TAF1B: variants seen among roughly 807,000 people sequenced by gnomAD.
TAF1B encodes TATA-box binding protein associated factor, RNA polymerase I subunit B.
A neutral mutation model predicts 83.9 loss-of-function variants in TAF1B; 61 were observed. That is an observed-to-expected ratio of 0.73 (90% confidence interval 0.59 to 0.90). The LOEUF (loss-of-function observed/expected upper bound fraction) is 0.90, where lower values mean the gene tolerates loss of function less well. Ranked by LOEUF, TAF1B falls within the 40% of genes least tolerant of loss-of-function variation. The probability of loss-of-function intolerance (pLI) is 0.00; values close to 1 mark genes in which losing one functional copy is unlikely to be tolerated. For missense variants in TAF1B, 625 were observed against 677.0 expected, an observed-to-expected ratio of 0.92 and a Z score of 0.85; for synonymous variants, 221 against 224.6, an observed-to-expected ratio of 0.98 and a Z score of 0.14.
chr2:9,895,302 C>T (rs1162264978), intron 8 of TAF1B, among the ~76,000 whole-genome samples: 1 of 152,130 alleles, frequency 6.6e-6, no homozygotes, highest in Non-Finnish European at 1.5e-5. Flanking sequence ...GAGTTTGAGA[C>T]CAGCCTGGGC....
chr2:9,900,410 C>T (rs1665147740), intron 8 of TAF1B, among the ~76,000 whole-genome samples: 2 of 152,084 alleles, frequency 1.3e-5, no homozygotes, highest in Admixed American at 1.3e-4. Flanking sequence ...TGGTGCATGC[C>T]TATAGTCTCA....
At chr2:9,894,429 A>T (rs1204707544) in intron 8 of TAF1B, among the ~76,000 whole-genome samples, 9 of 152,194 alleles carry the variant, frequency 5.9e-5, no homozygotes, top group Admixed American at 6.5e-5. Context: ...TATATAAAGG[A>T]TATAACTTCT....
intron 4 of TAF1B, among the ~76,000 whole-genome samples, chr2:9,853,176 C>G (rs558293617): frequency 6.6e-6 from 1 of 152,314 alleles, no homozygotes; most frequent in South Asian, 2.1e-4. Context: ...TTTATGCTCA[C>G]CTCATTAGGG....
rs1181612668 is a variant in TAF1B, at chr2:9,875,897, G to GT, written c.588dup (p.Glu197Ter). The GT allele has an allele frequency of 6.2e-7, 1 of 1,611,840 alleles. No individual in the cohort carries two copies. The highest frequency in any genetic ancestry group is 8.5e-7 in the Non-Finnish European group (1 of 1,178,312). On this transcript the variant is annotated frameshift_variant, in exon 7 of 15. Transcript: ENST00000263663. LOFTEE classifies it high-confidence loss of function. ...TGTCTGCTCTGGATCTCTGGATGGA[G>GT]TTGAATACTCACAACGAAAGGAGAA...
chr2:9,869,799 G>C (rs1375073513), intron 6 of TAF1B, among the ~76,000 whole-genome samples: 11 of 151,926 alleles, frequency 7.2e-5, no homozygotes, highest in Admixed American at 1.3e-4. Flanking sequence ...CTTGAACCGG[G>C]AGGCAGAGGT....
At chr2:9,858,178 A>G (rs1275211941) in intron 5 of TAF1B, among the ~76,000 whole-genome samples, 1 of 152,248 alleles carries the variant, frequency 6.6e-6, no homozygotes, top group Non-Finnish European at 1.5e-5. Context: ...GCATTGGGTA[A>G]ATGTTCCCAA....
chr2:9,913,189 ACC>A lies in TAF1B; in HGVS notation c.1212_1213del (p.Tyr404Ter). The A allele has an allele frequency of 1.2e-6, 2 of 1,611,350 alleles. No individual in the cohort carries two copies. The highest frequency in any genetic ancestry group is 1.7e-6 in the Non-Finnish European group (2 of 1,179,250). ...CCATGGTTTGATTTCAGAAAGTGGT[ACC>A]AAATTATGAAGAAAGCTTTTGATGA... is the stretch of plus-strand genomic sequence containing the variant. On this transcript the variant is annotated stop_gained and frameshift_variant, in exon 12 of 15. Coordinates refer to ENST00000263663, the MANE Select transcript of TAF1B (RefSeq NM_005680.3). LOFTEE classifies it high-confidence loss of function.
intron 9 of TAF1B, among the ~76,000 whole-genome samples, chr2:9,909,635 A>T (rs931404236): frequency 6.6e-6 from 1 of 152,244 alleles, no homozygotes; most frequent in Non-Finnish European, 1.5e-5. Context: ...GAGAGCAGTT[A>T]TAAGGGTGGC....
chr2:9,913,328 T>C (rs1325583563), intron 12 of TAF1B, 79 bp downstream of exon 12: 1 of 1,176,134 alleles, frequency 8.5e-7, no homozygotes. Flanking sequence ...TGAAGCTTCA[T>C]CAGTATACAC....
intron 5 of TAF1B, among the ~76,000 whole-genome samples, chr2:9,867,637 G>A (rs1664029905): frequency 6.6e-6 from 1 of 152,190 alleles, no homozygotes; most frequent in East Asian, 1.9e-4. Flanking sequence ...CCTGGGTAAT[G>A]TCAGCTAATG....
At chr2:9,864,460 C>T (rs1663894680) in intron 5 of TAF1B, among the ~76,000 whole-genome samples, 1 of 151,812 alleles carries the variant, frequency 6.6e-6, no homozygotes, top group Non-Finnish European at 1.5e-5. Context: ...GCTTACCAAC[C>T]AAAAAAAGTC....
At chr2:9,915,841 A>G (rs1191249346) in intron 12 of TAF1B, among the ~76,000 whole-genome samples, 1 of 152,248 alleles carries the variant, frequency 6.6e-6, no homozygotes, top group African/African-American at 2.4e-5. Context: ...AACAAACCAC[A>G]TGTTCTTCAA....
chr2:9,854,694 A>T (rs1198139572), intron 5 of TAF1B, among the ~76,000 whole-genome samples: 1 of 152,224 alleles, frequency 6.6e-6, no homozygotes, highest in Non-Finnish European at 1.5e-5. Context: ...GATTTTCTAG[A>T]TAGAAGATAG....
intron 6 of TAF1B, chr2:9,868,640 G>GT (rs762465007): frequency 5.4e-6 from 4 of 734,776 alleles, no homozygotes; most frequent in Non-Finnish European, 9.7e-6. Context: ...CTCCATGTGA[G>GT]TTTTTTGTGT....
At chr2:9,929,388 G>A (rs754163680) in intron 14 of TAF1B, among the ~76,000 whole-genome samples, 2 of 152,128 alleles carry the variant, frequency 1.3e-5, no homozygotes, top group African/African-American at 2.4e-5. Flanking sequence ...TCAATCTCCT[G>A]ACCTCGTGAT....
intron 8 of TAF1B, among the ~76,000 whole-genome samples, chr2:9,895,151 C>G (rs955516950): frequency 6.6e-6 from 1 of 152,206 alleles, no homozygotes; most frequent in Non-Finnish European, 1.5e-5. Flanking sequence ...CTATATTTCA[C>G]ATAAAGCAAT....
At chr2:9,843,703 T>G (rs937376381) in intron 1 of TAF1B, 144 bp downstream of exon 1, 1 of 961,116 alleles carries the variant, frequency 1.0e-6, no homozygotes, top group Non-Finnish European at 1.5e-6. Flanking sequence ...CAGGGCGGGC[T>G]AAGGACTGGG....
At chr2:9,845,129 C>T (rs1663161940) in intron 1 of TAF1B, 91 bp from the exon 2 acceptor site, 5 of 840,138 alleles carry the variant, frequency 6.0e-6, no homozygotes, top group Admixed American at 2.3e-5. Flanking sequence ...ATAAAGTTGC[C>T]AGGAACCCAT....
intron 8 of TAF1B, 152 bp from the exon 9 acceptor site, chr2:9,904,707 A>T (rs1241396588): frequency 1.4e-6 from 1 of 690,108 alleles, no homozygotes; most frequent in Non-Finnish European, 2.3e-6. Flanking sequence ...CGTTCCTGCC[A>T]GCAGTGCATA....
Sources: gnomAD v4.1 joint callset for allele counts (sites outside exome capture counted in the v4.1 genomes callset) on GRCh38, gnomAD v4.1.1 for gene constraint, MANE v1.5 for transcripts, NCBI Gene and HGNC (gene_info 2026-07-23, HGNC 2026-07-21) for gene names.